Variants in FBXL17 observed in about 807,000 individuals in gnomAD.
FBXL17 encodes the protein F-box/LRR-repeat protein 17.
Under a neutral mutation model 66.2 loss-of-function variants are expected in FBXL17, and 22 were observed. The ratio of observed to expected loss-of-function variants is 0.33; its 90% CI spans 0.24 to 0.47. The LOEUF is 0.47. Among genes scored for constraint, FBXL17 ranks in the 20% least tolerant of loss-of-function variants. The probability of loss-of-function intolerance (pLI) is 1.00; values close to 1 mark genes in which losing one functional copy is unlikely to be tolerated. For synonymous variants in FBXL17, 474 were observed against 400.5 expected (o/e 1.18, Z -2.19); for missense variants, 878 against 948.2 (o/e 0.93, Z 0.97).
intron 4 of FBXL17, among the ~76,000 whole-genome samples, chr5:108,342,954 G>GA (rs1746987300): frequency 6.6e-6 from 1 of 152,172 alleles, no homozygotes; most frequent in Non-Finnish European, 1.5e-5. Context: ...TAGGAAGTGG[G>GA]ATCTTTGGGG....
At chr5:108,250,238 C>T (rs953171395) in intron 4 of FBXL17, among the ~76,000 whole-genome samples, 1 of 152,068 alleles carries the variant, frequency 6.6e-6, no homozygotes, top group Non-Finnish European at 1.5e-5. Context: ...GCCAACGTCT[C>T]TTGGCATGCT....
At chr5:108,099,709 C>A (rs1463877345) in intron 6 of FBXL17, among the ~76,000 whole-genome samples, 1 of 152,156 alleles carries the variant, frequency 6.6e-6, no homozygotes, top group Non-Finnish European at 1.5e-5. Flanking sequence ...ACTGCTTTTA[C>A]AAAACAGAAG....
intron 6 of FBXL17, among the ~76,000 whole-genome samples, chr5:108,086,641 C>T (rs1748982261): frequency 6.6e-6 from 1 of 152,158 alleles, no homozygotes; most frequent in Non-Finnish European, 1.5e-5. Context: ...TCACTGCGAC[C>T]TCCGCCTCCT....
intron 6 of FBXL17, among the ~76,000 whole-genome samples, chr5:108,168,786 G>A (rs1752502719): frequency 6.6e-6 from 1 of 151,962 alleles, no homozygotes; most frequent in Admixed American, 6.6e-5. Context: ...AATTCTAAAT[G>A]CTTTACCAAC....
chr5:108,042,094 C>T (rs1747070468), intron 6 of FBXL17, among the ~76,000 whole-genome samples: 1 of 152,060 alleles, frequency 6.6e-6, no homozygotes, highest in South Asian at 2.1e-4. Flanking sequence ...GGGGTTTCTC[C>T]ATGTTGGTCA....
At chr5:108,343,315 A>T (rs1051250528) in intron 4 of FBXL17, among the ~76,000 whole-genome samples, 1 of 152,208 alleles carries the variant, frequency 6.6e-6, no homozygotes, top group African/African-American at 2.4e-5. Flanking sequence ...GGAAACTACC[A>T]TTCTGGGTTT....
chr5:108,193,498 C>T (rs1753553935), intron 5 of FBXL17, among the ~76,000 whole-genome samples: 1 of 152,010 alleles, frequency 6.6e-6, no homozygotes, highest in South Asian at 2.1e-4. Context: ...AGAAAGACTT[C>T]CATCCTTGAG....
chr5:108,250,882 T>C lies in FBXL17; in HGVS notation c.1507-26654A>G, dbSNP rs189520849. Among the ~76,000 whole-genome samples the C allele has an allele frequency of 4.0e-3, 611 of 152,156 alleles. 3 individuals are homozygous for C. The highest frequency in any genetic ancestry group is 6.0e-3 in the Non-Finnish European group (407 of 67,918). ...TGCAGCTTTTTTTACTTAAAATATC[T>C]TGGGGAACCTTCCACATCAGCATGC... is the stretch of plus-strand genomic sequence containing the variant. On this transcript the variant is annotated intron_variant, in intron 4 of 8. Coordinates refer to ENST00000542267, the MANE Select transcript of FBXL17 (RefSeq NM_001163315.3).
At chr5:108,215,854 C>T (rs991242466) in intron 5 of FBXL17, among the ~76,000 whole-genome samples, 1 of 152,112 alleles carries the variant, frequency 6.6e-6, no homozygotes, top group Non-Finnish European at 1.5e-5. Context: ...GGTCTTTGAA[C>T]CATGTTATAG....
At position 107,921,647 on chromosome 5, in the gene FBXL17, A is replaced by G. The variant is rs560393906; in HGVS notation, c.1823-40468T>C. Among the ~76,000 whole-genome samples, 305 of 152,334 alleles carry G rather than the reference A, an allele frequency of 2.0e-3. 2 individuals carry two copies. The highest frequency in any genetic ancestry group is 6.8e-3 in the African/African-American group (281 of 41,596). On this transcript the variant is annotated intron_variant, in intron 7 of 8. Coordinates refer to ENST00000542267, the MANE Select transcript of FBXL17 (RefSeq NM_001163315.3). ...AAGAGTTAAATCCAAGCCAGCTGTC[A>G]TGATGGCTGCTGGAAACCAGGAAGG...
chr5:108,348,869 A>G (rs1024744940), intron 3 of FBXL17, among the ~76,000 whole-genome samples: 3 of 152,170 alleles, frequency 2.0e-5, no homozygotes, highest in African/African-American at 4.8e-5. Context: ...CAGTGGCTCA[A>G]TCATGGCTCA....
chr5:108,207,411 T>C (rs986571673), intron 5 of FBXL17, among the ~76,000 whole-genome samples: 37 of 152,100 alleles, frequency 2.4e-4, no homozygotes, highest in African/African-American at 8.0e-4. Context: ...ACACATACCA[T>C]GGTGGTTTCC....
At chr5:108,006,499 T>C (rs1026122220) in intron 7 of FBXL17, among the ~76,000 whole-genome samples, 2 of 152,176 alleles carry the variant, frequency 1.3e-5, no homozygotes, top group Non-Finnish European at 2.9e-5. Context: ...GGAAGAACAG[T>C]AGTGGTTATG....
In FBXL17 at chr5:107,983,206, T is replaced by C. The variant is rs776052489; in HGVS notation, c.1822+37719A>G. Among the ~76,000 whole-genome samples, 46 of 152,192 alleles carry C rather than the reference T, an allele frequency of 3.0e-4. 1 individual carries two copies. Among genetic ancestry groups the C allele is most frequent in the Admixed American group, 2.6e-4 (4 of 15,278 alleles). ...CTGACTGCCCAGTGTCTGAGTTGCA[T>C]GCTGTCAGTTTTTGTTTTGTTTGAG... On this transcript the variant is annotated intron_variant, in intron 7 of 8. Coordinates refer to ENST00000542267, the MANE Select transcript of FBXL17 (RefSeq NM_001163315.3).
chr5:108,087,409 C>T (rs183555635), intron 6 of FBXL17, among the ~76,000 whole-genome samples: 8 of 152,022 alleles, frequency 5.3e-5, no homozygotes, highest in Non-Finnish European at 7.4e-5. Flanking sequence ...CTGAGTGAGG[C>T]GGAGCATAAA....
At chr5:108,132,091 C>G (rs1164746640) in intron 6 of FBXL17, among the ~76,000 whole-genome samples, 1 of 151,884 alleles carries the variant, frequency 6.6e-6, no homozygotes, top group Non-Finnish European at 1.5e-5. Context: ...ATTCTCCTGC[C>G]TCAGCCTCCC....
At chr5:108,269,482 T>C (rs1331107090) in intron 4 of FBXL17, among the ~76,000 whole-genome samples, 1 of 152,068 alleles carries the variant, frequency 6.6e-6, no homozygotes, top group Non-Finnish European at 1.5e-5. Context: ...TGCCATCAAA[T>C]TTGGTTATAT....
intron 7 of FBXL17, among the ~76,000 whole-genome samples, chr5:107,930,213 T>C (rs192555759): frequency 4.7e-4 from 71 of 152,298 alleles, no homozygotes; most frequent in Admixed American, 1.1e-3. Flanking sequence ...ATGAGTTATG[T>C]CCCAGTCCAC....
chr5:108,128,701 C>T (rs1428830651), intron 6 of FBXL17, among the ~76,000 whole-genome samples: 1 of 151,948 alleles, frequency 6.6e-6, no homozygotes, highest in African/African-American at 2.4e-5. Context: ...ATCTACAGCA[C>T]AATTTTATTT....
Sources: gnomAD v4.1 joint callset for allele counts (sites outside exome capture counted in the v4.1 genomes callset) on GRCh38, gnomAD v4.1.1 for gene constraint, MANE v1.5 for transcripts, NCBI Gene and HGNC (gene_info 2026-07-23, HGNC 2026-07-21) for gene names.